The following SLCO5A1 variants were observed in gnomAD, a reference collection of about 807,000 sequenced individuals.
SLCO5A1 encodes the protein solute carrier organic anion transporter family member 5A1.
A neutral mutation model predicts 65.1 loss-of-function variants in SLCO5A1; 39 were observed. That is an observed-to-expected ratio of 0.60 (90% CI 0.46 to 0.78). The LOEUF (loss-of-function observed/expected upper bound fraction) is 0.78, where lower values mean the gene tolerates loss of function less well. Ranked by LOEUF, SLCO5A1 falls within the 30% of genes least tolerant of loss-of-function variation. SLCO5A1 has a pLI of 0.00. For missense variants in SLCO5A1, 1,029 were observed against 1,069.4 expected (o/e 0.96, Z 0.53); for synonymous variants, 438 against 415.7 (o/e 1.05, Z -0.65).
At chr8:69,782,550 A>G (rs935817555) in intron 2 of SLCO5A1, among the ~76,000 whole-genome samples, 3 of 149,338 alleles carry the variant, frequency 2.0e-5, no homozygotes, top group Non-Finnish European at 4.4e-5. Flanking sequence ...ACTGCACTCC[A>G]GTTTGGGAGA....
chr8:69,678,668 G>A (rs1222270858), intron 8 of SLCO5A1, among the ~76,000 whole-genome samples: 1 of 151,852 alleles, frequency 6.6e-6, no homozygotes, highest in East Asian at 1.9e-4. Flanking sequence ...CAAAAAAATA[G>A]CAGCCCGACC....
intron 5 of SLCO5A1, among the ~76,000 whole-genome samples, chr8:69,706,416 G>C (rs887905313): frequency 2.6e-5 from 4 of 152,206 alleles, no homozygotes; most frequent in African/African-American, 9.7e-5. Flanking sequence ...GCTGTGGTCT[G>C]AATGTTTGTG....
intron 5 of SLCO5A1, among the ~76,000 whole-genome samples, chr8:69,724,064 T>C (rs1291320803): frequency 6.6e-6 from 1 of 152,226 alleles, no homozygotes; most frequent in Non-Finnish European, 1.5e-5. Flanking sequence ...TGAACCACCA[T>C]GCCGGGCCTA....
chr8:69,734,551 G>C (rs1816474443), intron 5 of SLCO5A1, among the ~76,000 whole-genome samples: 1 of 152,130 alleles, frequency 6.6e-6, no homozygotes, highest in Admixed American at 6.6e-5. Context: ...TAAGGCCCTG[G>C]TGTGAGTCTT....
chr8:69,740,437 G>T (rs748631266), intron 4 of SLCO5A1, among the ~76,000 whole-genome samples: 38 of 152,170 alleles, frequency 2.5e-4, no homozygotes, highest in Non-Finnish European at 4.9e-4. Context: ...GGAACTGGAG[G>T]TACTGGTATG....
intron 2 of SLCO5A1, among the ~76,000 whole-genome samples, chr8:69,777,191 T>C (rs1353486898): frequency 6.6e-6 from 1 of 152,176 alleles, no homozygotes; most frequent in Non-Finnish European, 1.5e-5. Flanking sequence ...TATAGTATGG[T>C]CATACAATGG....
chr8:69,689,865 A>T (rs957585809), intron 6 of SLCO5A1, among the ~76,000 whole-genome samples: 1 of 152,022 alleles, frequency 6.6e-6, no homozygotes, highest in Non-Finnish European at 1.5e-5. Flanking sequence ...GTTTTTTCCA[A>T]TTCTGTGAAG....
At chr8:69,775,599 C>A (rs892469639) in intron 2 of SLCO5A1, among the ~76,000 whole-genome samples, 4 of 151,998 alleles carry the variant, frequency 2.6e-5, no homozygotes, top group African/African-American at 9.7e-5. Flanking sequence ...TATTTTGGAA[C>A]AAAAAATTTT....
intron 6 of SLCO5A1, chr8:69,700,630 A>T (rs1407975484): frequency 6.6e-6 from 1 of 152,164 alleles, no homozygotes; most frequent in Admixed American, 6.5e-5. Context: ...TACTAGTAAT[A>T]AAAGGAAGCT....
At position 69,755,629 on chromosome 8, in the gene SLCO5A1, G is replaced by A; in HGVS notation, c.1053C>T (p.Phe351=). The A allele has an allele frequency of 6.2e-7, 1 of 1,611,818 alleles. No individual in the cohort carries two copies. The highest frequency in any genetic ancestry group is 1.1e-5 in the South Asian group (1 of 90,596). ...GAAACATTGCAATGGCACAAAGGAGGAATCCACTCCACCTAAAAAATTGGA... is the reference window on the plus strand; with the variant it reads ...GAAACATTGCAATGGCACAAAGGAGAAATCCACTCCACCTAAAAAATTGGA... The part of the protein sequence containing the change: ...PRFIGNWWSG[F]LLCAIAMFLV... The change falls in exon 4 of 10, where the codon TTC becomes TTT. Residue 351 remains phenylalanine, a synonymous_variant. Transcript: ENST00000260126.
intron 2 of SLCO5A1, among the ~76,000 whole-genome samples, chr8:69,766,834 T>C (rs950787568): frequency 6.6e-6 from 1 of 152,190 alleles, no homozygotes; most frequent in African/African-American, 2.4e-5. Context: ...CTCACTGCTA[T>C]GTCCCCAGTG....
intron 2 of SLCO5A1, among the ~76,000 whole-genome samples, chr8:69,767,592 T>TAAG (rs1818116394): frequency 6.6e-6 from 1 of 152,174 alleles, no homozygotes; most frequent in Admixed American, 6.5e-5. Flanking sequence ...ACAGGCTATA[T>TAAG]AAGAATAAGC....
At chr8:69,692,793 C>T (rs1814329739) in intron 6 of SLCO5A1, among the ~76,000 whole-genome samples, 1 of 152,210 alleles carries the variant, frequency 6.6e-6, no homozygotes, top group Non-Finnish European at 1.5e-5. Flanking sequence ...CTGTCATCTC[C>T]TAAGATAACA....
Position 69,667,673 on chromosome 8 carries a change from C to T in SLCO5A1, c.*5196G>A, listed in dbSNP as rs1813220568. The T allele has an allele frequency of 6.6e-6, 1 of 152,154 alleles. No homozygotes were observed. Among genetic ancestry groups the T allele is most frequent in the African/African-American group, 2.4e-5 (1 of 41,428 alleles). 9.4% of individuals were successfully genotyped at this position (152,154 alleles called of 1,614,324 possible). A position where few individuals can be genotyped will look rare whatever the true frequency, so the allele number is the denominator to read the frequency against. ...AGTGATAGGATACCAGAAAAGATAA[C>T]ACCTTCAAAACCCCAGTGTTAAAAA... On this transcript the variant is annotated 3_prime_UTR_variant, in exon 10 of 10. Transcript: ENST00000260126.
At chr8:69,747,048 C>T (rs1817065225) in intron 4 of SLCO5A1, among the ~76,000 whole-genome samples, 1 of 152,132 alleles carries the variant, frequency 6.6e-6, no homozygotes, top group Non-Finnish European at 1.5e-5. Flanking sequence ...TCAAACTAGC[C>T]AATCCTAAGC....
intron 2 of SLCO5A1, among the ~76,000 whole-genome samples, chr8:69,798,680 A>C (rs967742996): frequency 5.9e-5 from 9 of 152,208 alleles, no homozygotes; most frequent in African/African-American, 2.2e-4. Context: ...ATTCGACATG[A>C]GATTTGGGCA....
intron 6 of SLCO5A1, among the ~76,000 whole-genome samples, chr8:69,696,645 T>C (rs551377547): frequency 6.6e-6 from 1 of 152,320 alleles, no homozygotes; most frequent in Non-Finnish European, 1.5e-5. Context: ...CTCATTCTTG[T>C]ATTTGAGGTA....
At position 69,671,682 on chromosome 8, in the gene SLCO5A1, A is replaced by C. The variant is rs2130780312; in HGVS notation, c.*1187T>G. ...TAAGGGGGAATCAAAGGGTAGTGTAAAACGATTCTATCTCTGATAAAGTAG... is the reference window on the plus strand; with the variant it reads ...TAAGGGGGAATCAAAGGGTAGTGTACAACGATTCTATCTCTGATAAAGTAG... On this transcript the variant is annotated 3_prime_UTR_variant, in exon 10 of 10. Coordinates refer to ENST00000260126, the MANE Select transcript of SLCO5A1 (RefSeq NM_030958.3). The C allele has an allele frequency of 6.6e-6, 1 of 152,332 alleles. No individual in the cohort carries two copies. The highest frequency in any genetic ancestry group is 2.1e-4 in the South Asian group (1 of 4,826). 9.4% of individuals were successfully genotyped at this position (152,332 alleles called of 1,614,324 possible).
rs191014413 is a variant in SLCO5A1 at position 69,678,841 on chromosome 8, C to A, written c.2024+537G>T. On this transcript the variant is annotated intron_variant, in intron 8 of 9. Coordinates refer to ENST00000260126, the MANE Select transcript of SLCO5A1 (RefSeq NM_030958.3). ...GAGAAATCACATTCCCCAATATGCC[C>A]TTTTCTTGACTCAACTCTGAAATTT... Among the ~76,000 whole-genome samples the A allele has an allele frequency of 6.7e-3, 1,017 of 151,600 alleles. 3 individuals carry two copies. The highest frequency in any genetic ancestry group is 0.011 in the Non-Finnish European group (769 of 67,912).
Sources: gnomAD v4.1 joint callset for allele counts (sites outside exome capture counted in the v4.1 genomes callset) on GRCh38, gnomAD v4.1.1 for gene constraint, MANE v1.5 for transcripts, NCBI Gene and HGNC (gene_info 2026-07-23, HGNC 2026-07-21) for gene names.